The following CRB1 variants were observed in gnomAD, a reference collection of about 807,000 sequenced individuals.
The protein encoded by CRB1 is crumbs cell polarity complex component 1.
A neutral mutation model predicts 120.0 loss-of-function variants in CRB1; 83 were observed. That is an observed-to-expected ratio of 0.69 (90% CI 0.58 to 0.83). The LOEUF is 0.83. CRB1 is among the 40% of genes least tolerant of loss of function. The probability of loss-of-function intolerance (pLI) is 0.00; values close to 1 mark genes in which losing one functional copy is unlikely to be tolerated. For synonymous variants in CRB1, 625 were observed against 612.5 expected, an observed-to-expected ratio of 1.02 and a Z score of -0.30; for missense variants, 1,699 against 1,687.6, an observed-to-expected ratio of 1.01 and a Z score of -0.12.
Position 197,438,692 on chromosome 1 carries a change from C to G in CRB1, c.3878+17C>G. 6.2e-7 allele frequency: 1 copy of G among 1,610,734 alleles called. No individual in the cohort carries two copies. The highest frequency in any genetic ancestry group is 8.5e-7 in the Non-Finnish European group (1 of 1,177,574). ...TGGAGAATGGTGAGTCACATTAGAGCCTTCTGGAAGAGAATTCTGAGCTAA... is the reference window on the plus strand; with the variant it reads ...TGGAGAATGGTGAGTCACATTAGAGGCTTCTGGAAGAGAATTCTGAGCTAA... On this transcript the variant is annotated intron_variant, in intron 10 of 11. Transcript: ENST00000367400.
At chr1:197,375,757 T>C (rs1267759837) in intron 5 of CRB1, among the ~76,000 whole-genome samples, 1 of 152,232 alleles carries the variant, frequency 6.6e-6, no homozygotes, top group African/African-American at 2.4e-5. Context: ...ATCATTGATT[T>C]TCCACTCTAT....
intron 1 of CRB1, among the ~76,000 whole-genome samples, chr1:197,279,786 C>A (rs922511759): frequency 6.6e-6 from 1 of 151,314 alleles, no homozygotes; most frequent in Non-Finnish European, 1.5e-5. Flanking sequence ...TACCCCCTAC[C>A]CTTTTATTCT....
intron 11 of CRB1, among the ~76,000 whole-genome samples, chr1:197,450,290 C>G (rs1360737563): frequency 6.6e-6 from 1 of 152,190 alleles, no homozygotes; most frequent in Non-Finnish European, 1.5e-5. Context: ...ACATGGTTTT[C>G]CTTCTGATTT....
the CRB1 span, among the ~76,000 whole-genome samples, chr1:197,258,890 C>G: frequency 6.6e-6 from 1 of 152,124 alleles, no homozygotes; most frequent in Admixed American, 6.6e-5. Flanking sequence ...ATAAGAATGA[C>G]TCAATATGTG....
chr1:197,467,547 G>A (rs1309224325), intron 11 of CRB1, among the ~76,000 whole-genome samples: 2 of 152,060 alleles, frequency 1.3e-5, no homozygotes, highest in African/African-American at 4.8e-5. Flanking sequence ...ACAATCAATT[G>A]CATTTAATCA....
intron 1 of CRB1, among the ~76,000 whole-genome samples, chr1:197,287,111 A>T (rs372968766): frequency 7.2e-5 from 11 of 152,012 alleles, no homozygotes; most frequent in African/African-American, 2.6e-4. Flanking sequence ...TAAAATGAGT[A>T]CGTGGAATAT....
chr1:197,354,664 A>C (rs144817681), intron 4 of CRB1, among the ~76,000 whole-genome samples: 2,500 of 152,138 alleles, frequency 0.016, 76 homozygotes, highest in African/African-American at 0.057. Context: ...TGAGTGCTAC[A>C]GCTCATAAAG....
chr1:197,476,693 T>C (rs1667213290), intron 11 of CRB1, among the ~76,000 whole-genome samples: 1 of 152,126 alleles, frequency 6.6e-6, no homozygotes, highest in African/African-American at 2.4e-5. Context: ...CTCTCTAGGA[T>C]GTTAAACACA....
At chr1:197,227,769 C>T in the CRB1 span, among the ~76,000 whole-genome samples, 1 of 152,136 alleles carries the variant, frequency 6.6e-6, no homozygotes, top group Non-Finnish European at 1.5e-5. Context: ...GGGGCTCCAA[C>T]CCCACATTTC....
At position 197,424,388 on chromosome 1, in the gene CRB1, T is replaced by A. The variant is rs188825265; in HGVS notation, c.2128+2432T>A. On this transcript the variant is annotated intron_variant, in intron 6 of 11. Transcript: ENST00000367400. Reference sequence around the variant, plus strand: ...GCCTGCTGCTTGAGAATACTTAATATCTGAAGAAAAGTATCTCGAGCCATC... The same window carrying A: ...GCCTGCTGCTTGAGAATACTTAATAACTGAAGAAAAGTATCTCGAGCCATC... 1.1e-4 allele frequency among the ~76,000 whole-genome samples: 16 copies of A among 152,280 alleles called. No homozygotes were observed. In the East Asian group the frequency reaches 3.1e-3, roughly 29 times the overall value.
the CRB1 span, among the ~76,000 whole-genome samples, chr1:197,258,035 C>T: frequency 3.3e-5 from 5 of 152,110 alleles, no homozygotes; most frequent in East Asian, 9.6e-4. Flanking sequence ...TTCTTCTTCT[C>T]TCTATTTAAA....
the CRB1 span, among the ~76,000 whole-genome samples, chr1:197,235,299 G>A: frequency 6.6e-6 from 1 of 152,114 alleles, no homozygotes; most frequent in African/African-American, 2.4e-5. Flanking sequence ...AGCTACAACT[G>A]TCACCCGTGC....
At chr1:197,428,418 AC>A (rs979002706) in intron 7 of CRB1, among the ~76,000 whole-genome samples, 1 of 152,238 alleles carries the variant, frequency 6.6e-6, no homozygotes, top group Non-Finnish European at 1.5e-5. Context: ...GTCAGAAACA[AC>A]AAGAGAAATC....
intron 5 of CRB1, among the ~76,000 whole-genome samples, chr1:197,396,377 T>A (rs1051998273): frequency 6.6e-6 from 1 of 152,180 alleles, no homozygotes; most frequent in Non-Finnish European, 1.5e-5. Flanking sequence ...TACTCAACGT[T>A]GCTAAAATGT....
At chr1:197,213,280 G>A in the CRB1 span, among the ~76,000 whole-genome samples, 6 of 152,298 alleles carry the variant, frequency 3.9e-5, no homozygotes, top group East Asian at 5.8e-4. Context: ...TTCTGAATGC[G>A]CAGAAGAGCT....
intron 5 of CRB1, among the ~76,000 whole-genome samples, chr1:197,379,221 T>C (rs1002579387): frequency 6.6e-6 from 1 of 152,186 alleles, no homozygotes; most frequent in Non-Finnish European, 1.5e-5. Context: ...CAATTATAAA[T>C]GTACATAATA....
At chr1:197,430,534 A>G (rs1664821208) in intron 8 of CRB1, among the ~76,000 whole-genome samples, 1 of 151,716 alleles carries the variant, frequency 6.6e-6, no homozygotes, top group Non-Finnish European at 1.5e-5. Context: ...TGATATTCTC[A>G]CTCCATTCTC....
At chr1:197,309,716 T>G (rs998459399) in intron 1 of CRB1, among the ~76,000 whole-genome samples, 1 of 151,526 alleles carries the variant, frequency 6.6e-6, no homozygotes, top group East Asian at 1.9e-4. Context: ...ATCGTGTCAC[T>G]GCACTCCAGC....
chr1:197,208,479 A>G, the CRB1 span, among the ~76,000 whole-genome samples: 2 of 151,934 alleles, frequency 1.3e-5, no homozygotes, highest in African/African-American at 4.8e-5. Context: ...AACTGCAATG[A>G]TTTTTATTTT....
Sources: allele counts gnomAD v4.1 joint callset (sites outside exome capture counted in the v4.1 genomes callset), GRCh38; gene constraint gnomAD v4.1.1; transcripts MANE v1.5; gene names NCBI Gene and HGNC (gene_info 2026-07-23, HGNC 2026-07-21).